Variants in MAP2 observed in about 807,000 individuals in gnomAD.
The protein encoded by MAP2 is microtubule associated protein 2.
MAP2 carries 14 observed loss-of-function variants against 137.6 expected under a neutral mutation model. The observed-to-expected ratio is 0.10, with a 90% CI of 0.07 to 0.16. The LOEUF is 0.16. Ranked by LOEUF, MAP2 falls within the 10% of genes least tolerant of loss-of-function variation. MAP2 has a pLI of 1.00. For synonymous variants in MAP2, 786 were observed against 782.3 expected (o/e 1.00, Z -0.08); for missense variants, 2,088 against 2,191.5 (o/e 0.95, Z 0.94).
chr2:209,496,437 A>G (rs2059768044), intron 1 of MAP2, among the ~76,000 whole-genome samples: 1 of 152,310 alleles, frequency 6.6e-6, no homozygotes, highest in Non-Finnish European at 1.5e-5. Context: ...GTTTTGGAAC[A>G]TGTACCTCTG....
At chr2:209,512,718 T>TAA (rs1301946823) in intron 2 of MAP2, among the ~76,000 whole-genome samples, 1 of 152,098 alleles carries the variant, frequency 6.6e-6, no homozygotes, top group African/African-American at 2.4e-5. Flanking sequence ...CATAGCTTAG[T>TAA]ATAAACTCAG....
At chr2:209,660,065 A>G (rs2042709401) in intron 5 of MAP2, among the ~76,000 whole-genome samples, 1 of 152,076 alleles carries the variant, frequency 6.6e-6, no homozygotes, top group Non-Finnish European at 1.5e-5. Flanking sequence ...CACAGTAGAA[A>G]GTGCCTACGT....
chr2:209,726,496 T>A (rs183671886), intron 14 of MAP2, among the ~76,000 whole-genome samples: 1 of 152,336 alleles, frequency 6.6e-6, no homozygotes, highest in East Asian at 1.9e-4. Flanking sequence ...TGTTGGCTCA[T>A]GCCTGTAATC....
chr2:209,563,143 G>A (rs1425295211), intron 2 of MAP2, among the ~76,000 whole-genome samples: 1 of 152,160 alleles, frequency 6.6e-6, no homozygotes, highest in Non-Finnish European at 1.5e-5. Context: ...CAGAATATAA[G>A]AGAGTACAGA....
intron 12 of MAP2, among the ~76,000 whole-genome samples, chr2:209,709,212 G>A (rs763601280): frequency 9.2e-5 from 14 of 152,112 alleles, no homozygotes; most frequent in Non-Finnish European, 1.5e-4. Context: ...AATCAGGTAC[G>A]AGGCTCACTG....
chr2:209,508,587 CA>C (rs879610406), intron 2 of MAP2, among the ~76,000 whole-genome samples: 3,836 of 14,662 alleles, frequency 0.26, 169 homozygotes, highest in African/African-American at 0.3. Context: ...CTCTGTCCCA[CA>C]CACACACACA....
intron 13 of MAP2, among the ~76,000 whole-genome samples, chr2:209,721,349 G>A (rs2070827619): frequency 6.6e-6 from 1 of 152,114 alleles, no homozygotes; most frequent in Non-Finnish European, 1.5e-5. Flanking sequence ...TAAAGCTATT[G>A]CATATGGAAA....
At chr2:209,451,351 T>C (rs1257889724) in intron 1 of MAP2, among the ~76,000 whole-genome samples, 1 of 152,134 alleles carries the variant, frequency 6.6e-6, no homozygotes, top group African/African-American at 2.4e-5. Context: ...GGAGCAAGAA[T>C]AGGTGATCAG....
At position 209,694,865 on chromosome 2, in the gene MAP2, G is replaced by A. The variant is rs776561966; in HGVS notation, c.2695G>A (p.Gly899Ser). ...AGGGGAGAGTGGTACCTTTTACGAAGGCACTGATGATAAAGTTCGAAGAGA... is the reference window on the plus strand; with the variant it reads ...AGGGGAGAGTGGTACCTTTTACGAAAGCACTGATGATAAAGTTCGAAGAGA... ...LSGESGTFYE[G>S]TDDKVRRDLA... Residue 899 changes from glycine (G) to serine (S), a missense_variant, in exon 8 of 16, where the codon GGC becomes AGC. This residue lies in a region of MAP2 where 500 missense variants were observed against 482.9 expected (regional missense o/e 1.04). Coordinates refer to ENST00000682079, the MANE Select transcript of MAP2 (RefSeq NM_001375505.1). 33 of 1,614,184 alleles carry A rather than the reference G, an allele frequency of 2.0e-5. No homozygotes were observed. The highest frequency in any genetic ancestry group is 2.5e-5 in the Non-Finnish European group (30 of 1,180,030).
chr2:209,647,337 C>G (rs938514976), intron 4 of MAP2, among the ~76,000 whole-genome samples: 1 of 152,058 alleles, frequency 6.6e-6, no homozygotes, highest in Non-Finnish European at 1.5e-5. Context: ...TTCATGGTAC[C>G]AAAACCTTTT....
At chr2:209,688,865 C>T (rs1287525358) in intron 7 of MAP2, among the ~76,000 whole-genome samples, 1 of 152,202 alleles carries the variant, frequency 6.6e-6, no homozygotes, top group East Asian at 1.9e-4. Context: ...CAACTATGGT[C>T]ATCATAATAA....
At chr2:209,439,257 T>C (rs1697160170) in intron 1 of MAP2, among the ~76,000 whole-genome samples, 1 of 151,592 alleles carries the variant, frequency 6.6e-6, no homozygotes. Context: ...ATTTATAAGA[T>C]TATACATTTG....
intron 4 of MAP2, among the ~76,000 whole-genome samples, chr2:209,625,726 A>T (rs911187258): frequency 1.4e-4 from 21 of 152,178 alleles, no homozygotes; most frequent in African/African-American, 5.1e-4. Flanking sequence ...AGTAGTTTTT[A>T]TCAAAATTTA....
intron 2 of MAP2, among the ~76,000 whole-genome samples, chr2:209,574,449 AC>A (rs2074976616): frequency 6.6e-6 from 1 of 151,960 alleles, no homozygotes; most frequent in East Asian, 1.9e-4. Flanking sequence ...ACACACACAC[AC>A]ACACACACAC....
intron 8 of MAP2, 65 bp from the exon 9 acceptor site, chr2:209,696,477 T>G: frequency 2.7e-6 from 4 of 1,509,160 alleles, no homozygotes; most frequent in Non-Finnish European, 3.6e-6. Flanking sequence ...TACAAAGGAT[T>G]TTGTACACTT....
chr2:209,489,012 G>A (rs2058745353), intron 1 of MAP2, among the ~76,000 whole-genome samples: 1 of 152,190 alleles, frequency 6.6e-6, no homozygotes, highest in Non-Finnish European at 1.5e-5. Context: ...TCCCAGCAGG[G>A]GACGACACAC....
chr2:209,432,892 T>G (rs926992238), intron 1 of MAP2, among the ~76,000 whole-genome samples: 1 of 152,176 alleles, frequency 6.6e-6, no homozygotes, highest in Non-Finnish European at 1.5e-5. Context: ...TTTATTTTAT[T>G]TGGTGGTCTG....
intron 5 of MAP2, among the ~76,000 whole-genome samples, chr2:209,673,367 GATAAA>G (rs2049749436): frequency 6.6e-6 from 1 of 151,432 alleles, no homozygotes; most frequent in African/African-American, 2.4e-5. Flanking sequence ...TGACACTACC[GATAAA>G]ATAATAACAA....
chr2:209,537,280 A>C (rs914609011), intron 2 of MAP2, among the ~76,000 whole-genome samples: 2 of 152,154 alleles, frequency 1.3e-5, no homozygotes, highest in Non-Finnish European at 2.9e-5. Context: ...TATAGTAATT[A>C]TTTTGAGACC....
Sources: gnomAD v4.1 joint callset for allele counts (sites outside exome capture counted in the v4.1 genomes callset) on GRCh38, gnomAD v4.1.1 for gene constraint, gnomAD v4.1.1 regional missense constraint, MANE v1.5 for transcripts, NCBI Gene and HGNC (gene_info 2026-07-23, HGNC 2026-07-21) for gene names.